THSD7B: variants seen among roughly 807,000 people sequenced by gnomAD.
The protein encoded by THSD7B is thrombospondin type 1 domain containing 7B, also known as thrombospondin type-1 domain-containing protein 7B.
A neutral mutation model predicts 213.6 loss-of-function variants in THSD7B; 138 were observed. That is an observed-to-expected ratio of 0.65 (90% confidence interval 0.56 to 0.74). The LOEUF is 0.74. Among genes scored for constraint, THSD7B ranks in the 30% least tolerant of loss-of-function variants. The pLI is 0.00. For synonymous variants in THSD7B, 742 were observed against 687.0 expected, an observed-to-expected ratio of 1.08 and a Z score of -1.25; for missense variants, 1,931 against 1,991.5, an observed-to-expected ratio of 0.97 and a Z score of 0.58.
chr2:137,242,978 A>C (rs570185513), intron 10 of THSD7B, among the ~76,000 whole-genome samples: 1 of 152,206 alleles, frequency 6.6e-6, no homozygotes, highest in African/African-American at 2.4e-5. Context: ...TGCTCACATC[A>C]CTGATTAATA....
At chr2:136,776,072 G>A (rs1573633075) in intron 1 of THSD7B, among the ~76,000 whole-genome samples, 2 of 152,212 alleles carry the variant, frequency 1.3e-5, no homozygotes, top group Middle Eastern at 3.4e-3. Flanking sequence ...AACTGGCCAT[G>A]CTCTTAAGGA....
In THSD7B at chr2:137,248,531, A is replaced by G. The variant is rs180975274; in HGVS notation, c.2266+5959A>G. Among the ~76,000 whole-genome samples, 19 of 152,326 alleles carry G rather than the reference A, an allele frequency of 1.2e-4. No homozygotes were observed. The East Asian group carries it at 2.9e-3, about 23-fold the overall frequency. ...CAGATTATTCCACAGATCCAGGTCA[A>G]TTAGGGAACTGGTCAATCTGAATGT... On this transcript the variant is annotated intron_variant, in intron 10 of 27. Coordinates refer to ENST00000409968, the MANE Select transcript of THSD7B (RefSeq NM_001316349.2).
At chr2:137,454,392 A>ATCTG (rs1553451269) in intron 15 of THSD7B, among the ~76,000 whole-genome samples, 46 of 115,144 alleles carry the variant, frequency 4.0e-4, no homozygotes, top group South Asian at 1.2e-3. Flanking sequence ...GAGCCATTCT[A>ATCTG]TCTGTCTGTC....
At chr2:137,075,104 G>C (rs568990080) in intron 3 of THSD7B, among the ~76,000 whole-genome samples, 1 of 152,232 alleles carries the variant, frequency 6.6e-6, no homozygotes, top group South Asian at 2.1e-4. Context: ...GTGGCGTTCT[G>C]TGTATTTCCT....
chr2:137,258,768 C>T (rs931761355), intron 10 of THSD7B, among the ~76,000 whole-genome samples: 5 of 151,594 alleles, frequency 3.3e-5, no homozygotes, highest in Admixed American at 6.6e-5. Context: ...CTGCACCCGT[C>T]AACCCATCAT....
chr2:136,796,175 C>T (rs931963431), intron 1 of THSD7B, among the ~76,000 whole-genome samples: 2 of 151,738 alleles, frequency 1.3e-5, no homozygotes, highest in Non-Finnish European at 2.9e-5. Flanking sequence ...AGGACCTCTA[C>T]AGGTTTCCAT....
At position 137,411,881 on chromosome 2, in the gene THSD7B, A is replaced by G; in HGVS notation, c.2959+9A>G. ...CTTCTGCAGCAGCTCTGGTAAGGAG[A>G]TGGATGGAGAGTAACAGATGAGAAC... On this transcript the variant is annotated intron_variant, in intron 14 of 27. Transcript: ENST00000409968. The G allele has an allele frequency of 6.2e-7, 1 of 1,613,692 alleles. No homozygotes were observed. The highest frequency in any genetic ancestry group is 8.5e-7 in the Non-Finnish European group (1 of 1,179,672).
chr2:136,812,030 A>T (rs1406834987), intron 1 of THSD7B, among the ~76,000 whole-genome samples: 2 of 152,240 alleles, frequency 1.3e-5, no homozygotes, highest in African/African-American at 4.8e-5. Flanking sequence ...AAACTAACAT[A>T]AAATGAATTA....
intron 2 of THSD7B, among the ~76,000 whole-genome samples, chr2:137,019,160 C>T (rs991840905): frequency 5.3e-5 from 8 of 152,152 alleles, no homozygotes; most frequent in East Asian, 1.9e-4. Flanking sequence ...GACATCTCCA[C>T]GAGGGACACC....
chr2:136,949,481 T>C (rs189327493), intron 2 of THSD7B, among the ~76,000 whole-genome samples: 1 of 152,336 alleles, frequency 6.6e-6, no homozygotes, highest in East Asian at 1.9e-4. Flanking sequence ...TTGTTGCCAC[T>C]GCGTATTCTA....
chr2:137,414,296 T>C (rs1686742448), intron 14 of THSD7B, among the ~76,000 whole-genome samples: 1 of 152,082 alleles, frequency 6.6e-6, no homozygotes, highest in African/African-American at 2.4e-5. Context: ...TTAAAAAAAA[T>C]AGCGAGTGAA....
rs1684464221 is a variant in THSD7B at position 136,923,202 on chromosome 2, C to G, written c.139+40885C>G. Among the ~76,000 whole-genome samples, 3 of 152,210 alleles carry G rather than the reference C, an allele frequency of 2.0e-5. 1 individual carries two copies. Among genetic ancestry groups the G allele is most frequent in the Admixed American group, 2.0e-4 (3 of 15,274 alleles). The stretch of plus-strand genomic sequence containing the variant: ...TTTAGCTACTTCATATGAGTGGAAT[C>G]ATACAAGATTTGCCCTTTTTGGACT... On this transcript the variant is annotated intron_variant, in intron 2 of 27. Transcript: ENST00000409968.
At chr2:137,617,845 G>A (rs576031930) in intron 18 of THSD7B, among the ~76,000 whole-genome samples, 6 of 152,026 alleles carry the variant, frequency 3.9e-5, no homozygotes, top group South Asian at 2.1e-4. Flanking sequence ...GATGGAAGGC[G>A]CAAACAAGCT....
chr2:137,593,290 G>A (rs1681900000), intron 17 of THSD7B, among the ~76,000 whole-genome samples: 1 of 151,880 alleles, frequency 6.6e-6, no homozygotes, highest in Non-Finnish European at 1.5e-5. Flanking sequence ...ATATTTAGGA[G>A]TAGAATAGCT....
Position 137,659,578 on chromosome 2 carries a change from C to T in THSD7B, c.4376-86C>T, listed in dbSNP as rs919829852. 97 of 1,217,634 alleles carry T rather than the reference C, an allele frequency of 8.0e-5. 1 individual carries two copies. Among genetic ancestry groups the T allele is most frequent in the African/African-American group, 3.9e-4 (25 of 64,826 alleles). 75.4% of individuals were successfully genotyped at this position (1,217,634 alleles called of 1,614,324 possible). A position where few individuals can be genotyped will look rare whatever the true frequency, so the allele number is the denominator to read the frequency against. ...AATAATAATACTGTTGCAAAGAGGCCGGTGGCACAGGTTAAAAAAAAATAC... is the reference window on the plus strand; with the variant it reads ...AATAATAATACTGTTGCAAAGAGGCTGGTGGCACAGGTTAAAAAAAAATAC... On this transcript the variant is annotated intron_variant, in intron 24 of 27. Transcript: ENST00000409968.
rs1681050953 is a variant in THSD7B, at chr2:137,559,177, C to T, written c.3139-4044C>T. On this transcript the variant is annotated intron_variant, in intron 15 of 27. Coordinates refer to ENST00000409968, the MANE Select transcript of THSD7B (RefSeq NM_001316349.2). Reference sequence around the variant, plus strand: ...TAGATTCAATGCCATCCCCATCAAGCTACCAATGACTTTCTTCACAGAATT... The same window carrying T: ...TAGATTCAATGCCATCCCCATCAAGTTACCAATGACTTTCTTCACAGAATT... Among the ~76,000 whole-genome samples the T allele has an allele frequency of 2.6e-5, 4 of 152,092 alleles. No homozygotes were observed. The South Asian group carries it at 8.3e-4, about 32-fold the overall frequency.
rs1439130151 is a variant in THSD7B, at chr2:137,411,622, G to A, written c.2709G>A (p.Lys903=). ...RRRQLTGKSR[K]KEKCQDSDLY... Reference sequence around the variant, plus strand: ...TTGTTGGAACAGGGAAAAGCAGAAAGAAGGAGAAATGCCAGGATTCTGACC... The same window carrying A: ...TTGTTGGAACAGGGAAAAGCAGAAAAAAGGAGAAATGCCAGGATTCTGACC... The change falls in exon 14 of 28, where the codon AAG becomes AAA. Residue 903 remains lysine, a synonymous_variant. Coordinates refer to ENST00000409968, the MANE Select transcript of THSD7B (RefSeq NM_001316349.2). 1 of 1,611,078 alleles carries A rather than the reference G, an allele frequency of 6.2e-7. No individual in the cohort carries two copies. Among genetic ancestry groups the A allele is most frequent in the Admixed American group, 1.7e-5 (1 of 59,840 alleles).
intron 3 of THSD7B, among the ~76,000 whole-genome samples, chr2:137,064,682 G>T (rs1037430405): frequency 6.6e-6 from 1 of 151,416 alleles, no homozygotes; most frequent in Non-Finnish European, 1.5e-5. Flanking sequence ...TGATTTTTTT[G>T]TATGGTGAGA....
At chr2:136,832,506 A>G (rs1682773815) in intron 1 of THSD7B, among the ~76,000 whole-genome samples, 1 of 152,144 alleles carries the variant, frequency 6.6e-6, no homozygotes, top group Non-Finnish European at 1.5e-5. Context: ...GCAGAAGCCT[A>G]TCTACTTTAC....
Sources: gnomAD v4.1 joint callset for allele counts (sites outside exome capture counted in the v4.1 genomes callset) on GRCh38, gnomAD v4.1.1 for gene constraint, MANE v1.5 for transcripts, NCBI Gene and HGNC (gene_info 2026-07-23, HGNC 2026-07-21) for gene names.